HTR2A: variants seen among roughly 807,000 people sequenced by gnomAD.
The protein encoded by HTR2A is 5-hydroxytryptamine receptor 2A.
A neutral mutation model predicts 31.0 loss-of-function variants in HTR2A; 14 were observed. That is an observed-to-expected ratio of 0.45 (90% CI 0.30 to 0.71). The LOEUF (loss-of-function observed/expected upper bound fraction) is 0.71, where lower values mean the gene tolerates loss of function less well. Ranked by LOEUF, HTR2A falls within the 30% of genes least tolerant of loss-of-function variation. The pLI, the probability that HTR2A is intolerant of heterozygous loss-of-function variation, is 0.09. For synonymous variants in HTR2A, 209 were observed against 225.2 expected (o/e 0.93, Z 0.64); for missense variants, 442 against 573.3 (o/e 0.77, Z 2.34).
chr13:46,894,430 G>A (rs763977581), intron 2 of HTR2A, among the ~76,000 whole-genome samples: 14 of 152,334 alleles, frequency 9.2e-5, no homozygotes, highest in East Asian at 3.9e-4. Flanking sequence ...AAATCATTCC[G>A]GTGTGGCATT....
chr13:46,873,489 C>G (rs1950881430), intron 3 of HTR2A, among the ~76,000 whole-genome samples: 1 of 149,014 alleles, frequency 6.7e-6, no homozygotes, highest in Admixed American at 6.7e-5. Flanking sequence ...GGTATATGTG[C>G]ACAATGTGCC....
intron 2 of HTR2A, among the ~76,000 whole-genome samples, chr13:46,892,978 T>A (rs1193389780): frequency 6.6e-6 from 1 of 152,220 alleles, no homozygotes; most frequent in African/African-American, 2.4e-5. Context: ...CAGGATTTAG[T>A]CACATATTTC....
rs142017799 is a variant in HTR2A at position 46,863,968 on chromosome 13, A to T, written c.614-28329T>A. On this transcript the variant is annotated intron_variant, in intron 3 of 3. Transcript: ENST00000542664. ...TTCTGTTATAAAGACACATGCACAC[A>T]TATATTCATTGCAGCACTATTCACA... is the stretch of plus-strand genomic sequence containing the variant. 3.9e-3 allele frequency among the ~76,000 whole-genome samples: 593 copies of T among 152,316 alleles called. 3 individuals are homozygous for T. The highest frequency in any genetic ancestry group is 0.018 in the South Asian group (86 of 4,832).
intron 3 of HTR2A, among the ~76,000 whole-genome samples, chr13:46,869,098 T>C (rs1313075905): frequency 6.6e-6 from 1 of 152,108 alleles, no homozygotes; most frequent in African/African-American, 2.4e-5. Flanking sequence ...GACTTCGTCA[T>C]TATTAAAAAC....
At chr13:46,884,296 T>C (rs889773679) in intron 3 of HTR2A, among the ~76,000 whole-genome samples, 2 of 152,186 alleles carry the variant, frequency 1.3e-5, no homozygotes, top group Non-Finnish European at 2.9e-5. Context: ...TTTCAGACTG[T>C]GGTTAACTGG....
At chr13:46,878,457 T>G (rs1330083827) in intron 3 of HTR2A, among the ~76,000 whole-genome samples, 1 of 152,156 alleles carries the variant, frequency 6.6e-6, no homozygotes, top group African/African-American at 2.4e-5. Context: ...GGTACTTGGA[T>G]GCCGGGGGTT....
intron 3 of HTR2A, among the ~76,000 whole-genome samples, chr13:46,844,438 A>G (rs1475611000): frequency 6.6e-6 from 1 of 152,238 alleles, no homozygotes; most frequent in Non-Finnish European, 1.5e-5. Flanking sequence ...GGACATTTGT[A>G]TGATACAAAA....
At chr13:46,858,303 C>G (rs565613993) in intron 3 of HTR2A, among the ~76,000 whole-genome samples, 11 of 152,120 alleles carry the variant, frequency 7.2e-5, no homozygotes, top group African/African-American at 2.7e-4. Flanking sequence ...TCAGGCAGCT[C>G]TCAGGGCAAG....
At chr13:46,851,690 G>T (rs566348055) in intron 3 of HTR2A, among the ~76,000 whole-genome samples, 2 of 152,194 alleles carry the variant, frequency 1.3e-5, no homozygotes, top group African/African-American at 4.8e-5. Flanking sequence ...CAAATAAGCT[G>T]CAAACTTCCC....
At chr13:46,855,185 G>T (rs1006361485) in intron 3 of HTR2A, among the ~76,000 whole-genome samples, 1 of 152,156 alleles carries the variant, frequency 6.6e-6, no homozygotes, top group African/African-American at 2.4e-5. Flanking sequence ...CAAGAAATCT[G>T]TCAGTTTAAG....
chr13:46,866,483 G>T (rs1182434679), intron 3 of HTR2A, among the ~76,000 whole-genome samples: 5 of 152,206 alleles, frequency 3.3e-5, no homozygotes, highest in African/African-American at 1.2e-4. Flanking sequence ...TAATGCACTT[G>T]AAGTCACAAG....
At chr13:46,892,611 G>C in intron 2 of HTR2A, 21 bp from the exon 3 acceptor site, 1 of 1,607,878 alleles carries the variant, frequency 6.2e-7, no homozygotes. Context: ...GAAGGTTGGT[G>C]TCAGTGAGCA....
intron 3 of HTR2A, among the ~76,000 whole-genome samples, chr13:46,841,542 A>G (rs909440372): frequency 2.6e-5 from 4 of 152,130 alleles, no homozygotes; most frequent in Non-Finnish European, 5.9e-5. Context: ...TTCTGATGTT[A>G]GTACTTTAAA....
At chr13:46,878,414 G>A (rs9562688) in intron 3 of HTR2A, among the ~76,000 whole-genome samples, 20,530 of 152,166 alleles carry the variant, frequency 0.13, 1,648 homozygotes, top group East Asian at 0.19. Flanking sequence ...CACCTGAGAA[G>A]TGTGGGGGAC....
chr13:46,832,806 A>G lies in HTR2A; in HGVS notation c.*2031T>C, dbSNP rs532170461. 1 of 152,222 alleles carries G rather than the reference A, an allele frequency of 6.6e-6. No homozygotes were observed. The highest frequency in any genetic ancestry group is 2.1e-4 in the South Asian group (1 of 4,828). 9.4% of individuals were successfully genotyped at this position (152,222 alleles called of 1,614,324 possible). On this transcript the variant is annotated 3_prime_UTR_variant, in exon 4 of 4. Coordinates refer to ENST00000542664, the MANE Select transcript of HTR2A (RefSeq NM_000621.5). ...CACTTCCCACATTCTTTAGTTTTCAAATCTGTATTTTTTTCCCAAAGGTTT... is the reference window on the plus strand; with the variant it reads ...CACTTCCCACATTCTTTAGTTTTCAGATCTGTATTTTTTTCCCAAAGGTTT...
chr13:46,891,856 A>G (rs1015013218), intron 3 of HTR2A, among the ~76,000 whole-genome samples: 1 of 152,218 alleles, frequency 6.6e-6, no homozygotes, highest in African/African-American at 2.4e-5. Context: ...GGTGTGTGGT[A>G]TCATAAAAGG....
chr13:46,870,498 T>C (rs1353413748), intron 3 of HTR2A, among the ~76,000 whole-genome samples: 2 of 152,190 alleles, frequency 1.3e-5, no homozygotes, highest in Admixed American at 1.3e-4. Context: ...CTAAGATACA[T>C]TGTATGTGGC....
In HTR2A at chr13:46,896,955, C is replaced by T. The variant is rs1434604365; in HGVS notation, c.-610G>A. Reference sequence around the variant, plus strand: ...CAGGCACACATTTAGAAATCATTCACGAGCCCCTCAAAGTCGCACAAAAGA... The same window carrying T: ...CAGGCACACATTTAGAAATCATTCATGAGCCCCTCAAAGTCGCACAAAAGA... On this transcript the variant is annotated 5_prime_UTR_variant, in exon 1 of 4. The change creates a new upstream start codon in the 5' untranslated region. Coordinates refer to ENST00000542664, the MANE Select transcript of HTR2A (RefSeq NM_000621.5). 3.8e-6 allele frequency: 3 copies of T among 785,126 alleles called. No homozygotes were observed. The highest frequency in any genetic ancestry group is 2.7e-5 in the East Asian group (1 of 36,810). The allele number at this position is 785,126 out of a possible 1,614,324, so 48.6% of individuals were successfully genotyped here.
At chr13:46,891,583 G>A (rs1035977048) in intron 3 of HTR2A, among the ~76,000 whole-genome samples, 14 of 152,154 alleles carry the variant, frequency 9.2e-5, no homozygotes, top group African/African-American at 2.7e-4. Flanking sequence ...TCATATTAGC[G>A]GATGCTGGCA....
Sources: allele counts gnomAD v4.1 joint callset (sites outside exome capture counted in the v4.1 genomes callset), GRCh38; gene constraint gnomAD v4.1.1; transcripts MANE v1.5; gene names NCBI Gene and HGNC (gene_info 2026-07-23, HGNC 2026-07-21).